CEMIP2: variants seen among roughly 807,000 people sequenced by gnomAD.
CEMIP2 encodes the protein cell migration inducing hyaluronidase 2.
Under a neutral mutation model 146.9 loss-of-function variants are expected in CEMIP2, and 79 were observed. The observed-to-expected ratio is 0.54, with a 90% CI of 0.45 to 0.65. The LOEUF is 0.65. Among genes scored for constraint, CEMIP2 ranks in the 30% least tolerant of loss-of-function variants. The pLI is 0.00. For synonymous variants in CEMIP2, 601 were observed against 606.3 expected, an observed-to-expected ratio of 0.99 and a Z score of 0.13; for missense variants, 1,596 against 1,696.2, an observed-to-expected ratio of 0.94 and a Z score of 1.04.
In CEMIP2 at chr9:71,728,261, GTATA is replaced by G. The variant is rs1164205843; in HGVS notation, c.2049+1580_2049+1583del. Reference sequence around the variant, plus strand: ...TATATATATATATATGTATATACACGTATATATATATATATATATGTATATATAT... The same window carrying G: ...TATATATATATATATGTATATACACGTATATATATATATATGTATATATAT... On this transcript the variant is annotated intron_variant, in intron 10 of 23. Coordinates refer to ENST00000377044, the MANE Select transcript of CEMIP2 (RefSeq NM_013390.3). 7.4e-3 allele frequency among the ~76,000 whole-genome samples: 37 copies of G among 5,020 alleles called. 7 individuals carry two copies. The highest frequency in any genetic ancestry group is 0.017 in the East Asian group (2 of 120). The allele number at this position is 5,020 out of a possible 152,430, so 3.3% of individuals were successfully genotyped here.
chr9:71,734,470 T>C (rs1030322769), intron 6 of CEMIP2, among the ~76,000 whole-genome samples: 1 of 152,202 alleles, frequency 6.6e-6, no homozygotes, highest in Admixed American at 6.5e-5. Context: ...CGTTTACCTA[T>C]GTAATGAACC....
intron 5 of CEMIP2, among the ~76,000 whole-genome samples, chr9:71,737,522 A>G (rs1823797845): frequency 6.6e-6 from 1 of 152,232 alleles, no homozygotes; most frequent in Non-Finnish European, 1.5e-5. Context: ...AATTCAAGCA[A>G]GGAACAACCA....
rs1821992777 is a variant in CEMIP2 at position 71,684,358 on chromosome 9, A to G, written c.*839T>C. 6.6e-6 allele frequency: 1 copy of G among 152,652 alleles called. No individual in the cohort carries two copies. Among genetic ancestry groups the G allele is most frequent in the Admixed American group, 6.5e-5 (1 of 15,286 alleles). 9.5% of individuals were successfully genotyped at this position (152,652 alleles called of 1,614,324 possible). A position where few individuals can be genotyped will look rare whatever the true frequency, so the allele number is the denominator to read the frequency against. ...TTAAAATGATACAAGTTTACGGTTC[A>G]GGAAAACAACCTACTTCTTAAAACA... On this transcript the variant is annotated 3_prime_UTR_variant, in exon 24 of 24. Coordinates refer to ENST00000377044, the MANE Select transcript of CEMIP2 (RefSeq NM_013390.3).
intron 5 of CEMIP2, among the ~76,000 whole-genome samples, chr9:71,736,245 C>T (rs946888287): frequency 2.0e-5 from 3 of 152,090 alleles, no homozygotes; most frequent in Admixed American, 1.3e-4. Flanking sequence ...TAAGGACTTC[C>T]CAAACATCCT....
In CEMIP2 at chr9:71,745,586, G is replaced by A; in HGVS notation, c.473-7C>T. On this transcript the variant is annotated splice_polypyrimidine_tract_variant and splice_region_variant and intron_variant, in intron 3 of 23. Coordinates refer to ENST00000377044, the MANE Select transcript of CEMIP2 (RefSeq NM_013390.3). Reference sequence around the variant, plus strand: ...TCCCCAAATACAAGCAGTCCTGCAGGGAACACCACCCTGTAAGCCAACTTC... The same window carrying A: ...TCCCCAAATACAAGCAGTCCTGCAGAGAACACCACCCTGTAAGCCAACTTC... 14 of 1,572,600 alleles carry A rather than the reference G, an allele frequency of 8.9e-6. No individual in the cohort carries two copies. The highest frequency in any genetic ancestry group is 1.2e-5 in the Non-Finnish European group (14 of 1,162,134).
At chr9:71,713,296 G>T (rs1209203330) in intron 15 of CEMIP2, among the ~76,000 whole-genome samples, 1 of 152,038 alleles carries the variant, frequency 6.6e-6, no homozygotes, top group Non-Finnish European at 1.5e-5. Context: ...GAGTTTCCCT[G>T]TTTTAAAAAG....
chr9:71,685,258 C>A lies in CEMIP2; in HGVS notation c.4091G>T (p.Arg1364Ile), dbSNP rs149184816. Reference protein sequence around the residue: ...PLQLDEYGCPRATTVRRRDLE... With the variant: ...PLQLDEYGCPIATTVRRRDLE... ...GTCTCTTCTGCGGACAGTGGTGGCT[C>A]TGGGACAACCATATTCGTCCAGCTG... The change falls in exon 24 of 24, where the codon AGA becomes ATA. Residue 1364 changes from arginine (R) to isoleucine (I), a missense_variant. Physicochemically the swap from Arg to Ile is moderately conservative, Grantham distance 97. Transcript: ENST00000377044. 3.5e-4 allele frequency: 572 copies of A among 1,613,810 alleles called. 1 individual carries two copies. In the African/African-American group the frequency reaches 7.0e-3, roughly 20 times the overall value.
intron 22 of CEMIP2, among the ~76,000 whole-genome samples, chr9:71,687,785 G>A (rs1304196053): frequency 6.6e-6 from 1 of 152,216 alleles, no homozygotes; most frequent in Non-Finnish European, 1.5e-5. Flanking sequence ...AGGGTCACTT[G>A]AGCCTGAGAG....
chr9:71,687,494 G>GTGTGTGTA (rs1040423441), intron 22 of CEMIP2: 1 of 150,636 alleles, frequency 6.6e-6, no homozygotes, highest in African/African-American at 2.5e-5. Flanking sequence ...GTGTGTGTGT[G>GTGTGTGTA]TACACATACA....
rs1235811562 is a variant in CEMIP2 at position 71,728,858 on chromosome 9, G to T, written c.2049+987C>A. Among the ~76,000 whole-genome samples the T allele has an allele frequency of 4.6e-5, 7 of 151,138 alleles. No homozygotes were observed. The South Asian group carries it at 1.5e-3, about 32-fold the overall frequency. On this transcript the variant is annotated intron_variant, in intron 10 of 23. Coordinates refer to ENST00000377044, the MANE Select transcript of CEMIP2 (RefSeq NM_013390.3). ...GTGTGTGTGTTTTTATTGACACGGG[G>T]TCTCACTCTGTTACCCGGGCTGGAG...
intron 1 of CEMIP2, among the ~76,000 whole-genome samples, chr9:71,753,909 A>G (rs764438893): frequency 2.0e-5 from 3 of 152,206 alleles, no homozygotes; most frequent in Non-Finnish European, 4.4e-5. Flanking sequence ...TATGGGGTAT[A>G]CAGAAAAAAG....
At chr9:71,729,492 G>A (rs545898808) in intron 10 of CEMIP2, among the ~76,000 whole-genome samples, 23 of 152,034 alleles carry the variant, frequency 1.5e-4, no homozygotes, top group South Asian at 6.2e-4. Context: ...GGTAGCAGGC[G>A]CCTGTGGTCC....
At position 71,709,413 on chromosome 9, in the gene CEMIP2, C is replaced by T; in HGVS notation, c.2831G>A (p.Gly944Asp). 1 of 1,614,146 alleles carries T rather than the reference C, an allele frequency of 6.2e-7. No homozygotes were observed. The highest frequency in any genetic ancestry group is 8.5e-7 in the Non-Finnish European group (1 of 1,180,014). The change falls in exon 17 of 24, where the codon GGT becomes GAT. Residue 944 changes from glycine (G) to aspartate (D), a missense_variant. Transcript: ENST00000377044. Reference sequence around the variant, plus strand: ...GTCATGGAATATGGAGTTCTTATCACCATCCATCTCACAATCTTCAAACCA... The same window carrying T: ...GTCATGGAATATGGAGTTCTTATCATCATCCATCTCACAATCTTCAAACCA... ...GPWFEDCEMD[G>D]DKNSIFHDID... is the part of the protein sequence containing the mutation.
intron 21 of CEMIP2, among the ~76,000 whole-genome samples, chr9:71,690,838 T>C (rs1195762736): frequency 6.6e-6 from 1 of 152,244 alleles, no homozygotes; most frequent in Admixed American, 6.5e-5. Context: ...TATTGTGAGC[T>C]AAATTTTCAA....
chr9:71,729,888 T>C lies in CEMIP2; in HGVS notation c.2006A>G (p.His669Arg), dbSNP rs1191290608. 3.7e-6 allele frequency: 6 copies of C among 1,614,122 alleles called. No homozygotes were observed. Among genetic ancestry groups the C allele is most frequent in the Non-Finnish European group, 5.1e-6 (6 of 1,180,054 alleles). The change falls in exon 10 of 24, where the codon CAT becomes CGT. Residue 669 changes from histidine to arginine, a missense_variant. His to Arg is a conservative substitution (Grantham distance 29, BLOSUM62 0). Transcript: ENST00000377044. ...CMAVSTFWIAHPNNNLINNAA... is the reference protein window; with the variant it reads ...CMAVSTFWIARPNNNLINNAA... ...ATTATTAATCAGATTATTGTTGGGA[T>C]GAGCAATCCAGAAAGTTGAAACAGC...
At chr9:71,709,106 G>A (rs367984480) in intron 17 of CEMIP2, among the ~76,000 whole-genome samples, 153 bp downstream of exon 17, 1 of 152,088 alleles carries the variant, frequency 6.6e-6, no homozygotes, top group Non-Finnish European at 1.5e-5. Context: ...CTAATGAATC[G>A]AAAGAAAGAA....
chr9:71,708,037 A>C (rs1822801382), intron 17 of CEMIP2, among the ~76,000 whole-genome samples: 1 of 151,976 alleles, frequency 6.6e-6, no homozygotes, highest in Non-Finnish European at 1.5e-5. Context: ...ATACAAAAAA[A>C]CTAGCCGGGC....
intron 7 of CEMIP2, among the ~76,000 whole-genome samples, chr9:71,731,830 C>A (rs1823626830): frequency 6.6e-6 from 1 of 151,986 alleles, no homozygotes; most frequent in Admixed American, 6.6e-5. Flanking sequence ...AGCCAAAATG[C>A]AGCCCAGAAG....
rs376715574 is a variant in CEMIP2, at chr9:71,732,498, C to T, written c.1416G>A (p.Met472Ile). Residue 472 changes from methionine (M) to isoleucine (I), a missense_variant, in exon 7 of 24, where the codon ATG (methionine) becomes ATA (isoleucine). Met to Ile is a conservative substitution (Grantham distance 10, BLOSUM62 1). Transcript: ENST00000377044. ...KVKETPQFLH[M>I]GEIIDGVDMR... Reference sequence around the variant, plus strand: ...TGTCTACACCGTCTATGATCTCACCCATGTGCAGGAACTGAGGGGTTTCTG... The same window carrying T: ...TGTCTACACCGTCTATGATCTCACCTATGTGCAGGAACTGAGGGGTTTCTG... The T allele has an allele frequency of 2.5e-6, 4 of 1,607,030 alleles. No homozygotes were observed. The African/African-American group carries it at 5.4e-5, about 22-fold the overall frequency.
Sources: allele counts gnomAD v4.1 joint callset (sites outside exome capture counted in the v4.1 genomes callset), GRCh38; gene constraint gnomAD v4.1.1; transcripts MANE v1.5; gene names NCBI Gene and HGNC (gene_info 2026-07-23, HGNC 2026-07-21).